The following CGNL1 variants were observed in gnomAD, a reference collection of about 807,000 sequenced individuals.
The protein encoded by CGNL1 is cingulin like 1.
A neutral mutation model predicts 141.2 loss-of-function variants in CGNL1; 132 were observed. The ratio of observed to expected loss-of-function variants is 0.93; its 90% confidence interval spans 0.81 to 1.08. The LOEUF is 1.08. Among genes scored for constraint, CGNL1 ranks in the 50% least tolerant of loss-of-function variants. CGNL1 has a pLI of 0.00. For synonymous variants in CGNL1, 690 were observed against 622.1 expected (o/e 1.11, Z -1.63); for missense variants, 1,870 against 1,588.6 (o/e 1.18, Z -3.01).
chr15:57,389,110 C>T (rs1480481979), intron 1 of CGNL1, among the ~76,000 whole-genome samples: 1 of 151,786 alleles, frequency 6.6e-6, no homozygotes, highest in Non-Finnish European at 1.5e-5. Context: ...AGTGGCTGCA[C>T]CTGGGCAGCT....
chr15:57,404,160 T>C (rs1243798638), intron 1 of CGNL1, among the ~76,000 whole-genome samples: 4 of 152,208 alleles, frequency 2.6e-5, no homozygotes, highest in Non-Finnish European at 5.9e-5. Flanking sequence ...AAGCCAGGGA[T>C]CTGGAAGCCT....
intron 16 of CGNL1, 63 bp downstream of exon 16, chr15:57,544,660 T>A (rs2032759360): frequency 6.5e-7 from 1 of 1,538,534 alleles, no homozygotes; most frequent in Admixed American, 2.0e-5. Context: ...CCCATCGCAA[T>A]GTGTTGTCAC....
Position 57,547,751 on chromosome 15 carries a change from G to A in CGNL1, c.*261G>A, listed in dbSNP as rs1419345861. 3 of 432,356 alleles carry A rather than the reference G, an allele frequency of 6.9e-6. No homozygotes were observed. The highest frequency in any genetic ancestry group is 8.2e-6 in the Non-Finnish European group (2 of 242,738). 26.8% of individuals were successfully genotyped at this position (432,356 alleles called of 1,614,324 possible). A position where few individuals can be genotyped will look rare whatever the true frequency, so the allele number is the denominator to read the frequency against. On this transcript the variant is annotated 3_prime_UTR_variant, in exon 19 of 19. Transcript: ENST00000281282. The stretch of plus-strand genomic sequence containing the variant: ...GGGGTGTTGTGAGAGATACACTTTG[G>A]TAGGCTGAGGCCCCTGTTCCACAGC...
chr15:57,524,319 T>C (rs1050147116), intron 11 of CGNL1, among the ~76,000 whole-genome samples: 1 of 152,166 alleles, frequency 6.6e-6, no homozygotes, highest in Admixed American at 6.5e-5. Flanking sequence ...CGTGCCCCAG[T>C]CATGTACTGG....
intron 8 of CGNL1, among the ~76,000 whole-genome samples, chr15:57,466,790 A>G (rs772872706): frequency 3.9e-5 from 6 of 152,168 alleles, no homozygotes; most frequent in Non-Finnish European, 8.8e-5. Context: ...AAATGAACAA[A>G]TCTTGTTTGT....
chr15:57,436,694 G>C (rs2063109879), intron 1 of CGNL1, among the ~76,000 whole-genome samples: 1 of 151,928 alleles, frequency 6.6e-6, no homozygotes, highest in Non-Finnish European at 1.5e-5. Context: ...AAAGTGGAAG[G>C]AAATAATAAA....
Position 57,436,240 on chromosome 15 carries a change from C to T in CGNL1, c.-15-1745C>T, listed in dbSNP as rs1055436414. Among the ~76,000 whole-genome samples, 4 of 152,156 alleles carry T rather than the reference C, an allele frequency of 2.6e-5. No homozygotes were observed. The South Asian group carries it at 8.3e-4, about 32-fold the overall frequency. On this transcript the variant is annotated intron_variant, in intron 1 of 18. Transcript: ENST00000281282. ...ATGACCAGCTTAAGTACCCTATTTT[C>T]CAGTCTCCCTTGCGGCTGGGGGTGG...
intron 8 of CGNL1, among the ~76,000 whole-genome samples, chr15:57,489,901 T>C (rs2063834932): frequency 6.6e-6 from 1 of 152,152 alleles, no homozygotes; most frequent in Admixed American, 6.5e-5. Context: ...TGAGAGAAAT[T>C]AGAGAGATTG....
At chr15:57,545,760 G>A (rs777954852) in intron 17 of CGNL1, 60 bp downstream of exon 17, 5 of 1,359,150 alleles carry the variant, frequency 3.7e-6, no homozygotes, top group Non-Finnish European at 5.1e-6. Flanking sequence ...GGCTGAGGGA[G>A]CAAGGGAGGC....
At chr15:57,504,120 T>C (rs10851615) in intron 8 of CGNL1, among the ~76,000 whole-genome samples, 20,259 of 152,120 alleles carry the variant, frequency 0.13, 2,056 homozygotes, top group East Asian at 0.47. Flanking sequence ...AGCAGGGTGA[T>C]GATGATGATA....
chr15:57,507,177 G>A lies in CGNL1; in HGVS notation c.2404-9603G>A, dbSNP rs192669345. On this transcript the variant is annotated intron_variant, in intron 8 of 18. Transcript: ENST00000281282. ...TTGTATAAACAGAATCATACCATAT[G>A]TCAAGACCTGAACTATGGAGCATGT... is the stretch of plus-strand genomic sequence containing the variant. Among the ~76,000 whole-genome samples the A allele has an allele frequency of 9.2e-5, 14 of 152,310 alleles. No individual in the cohort carries two copies. The East Asian group carries it at 2.1e-3, about 23-fold the overall frequency.
intron 8 of CGNL1, among the ~76,000 whole-genome samples, chr15:57,493,426 A>T (rs2063894367): frequency 6.6e-6 from 1 of 152,176 alleles, no homozygotes; most frequent in South Asian, 2.1e-4. Flanking sequence ...AAAGACACAG[A>T]AAGCATGCTT....
chr15:57,471,395 A>T (rs2063579477), intron 8 of CGNL1, among the ~76,000 whole-genome samples: 1 of 152,112 alleles, frequency 6.6e-6, no homozygotes. Flanking sequence ...ATTTTTAATG[A>T]CCCTACCTTG....
intron 8 of CGNL1, among the ~76,000 whole-genome samples, chr15:57,511,647 C>G (rs1348148198): frequency 6.6e-6 from 1 of 152,182 alleles, no homozygotes; most frequent in African/African-American, 2.4e-5. Flanking sequence ...TTTGATGTGG[C>G]TGCCTCATAG....
chr15:57,403,029 T>C (rs1030777395), intron 1 of CGNL1, among the ~76,000 whole-genome samples: 1 of 152,216 alleles, frequency 6.6e-6, no homozygotes, highest in African/African-American at 2.4e-5. Context: ...AGGTGGTGGT[T>C]CAAATGATGT....
At chr15:57,476,493 T>C (rs2063658936) in intron 8 of CGNL1, among the ~76,000 whole-genome samples, 1 of 152,216 alleles carries the variant, frequency 6.6e-6, no homozygotes, top group South Asian at 2.1e-4. Flanking sequence ...GCTTATTTAC[T>C]TGAGGTACTG....
chr15:57,394,099 C>CTTTTT (rs1555429893), intron 1 of CGNL1: 1 of 34,160 alleles, frequency 2.9e-5, no homozygotes. Flanking sequence ...AGGGTAATTT[C>CTTTTT]TGTTTGTTTT....
At chr15:57,480,222 G>A (rs536860334) in intron 8 of CGNL1, among the ~76,000 whole-genome samples, 10 of 132,632 alleles carry the variant, frequency 7.5e-5, no homozygotes, top group African/African-American at 3.0e-4. Context: ...ATTGAGCATG[G>A]GTATGAAAAT....
chr15:57,380,853 C>A (rs534873678), intron 1 of CGNL1, among the ~76,000 whole-genome samples: 1 of 152,166 alleles, frequency 6.6e-6, no homozygotes, highest in African/African-American at 2.4e-5. Context: ...CGGCTACCTC[C>A]GCAACAGAGC....
Sources: allele counts gnomAD v4.1 joint callset (sites outside exome capture counted in the v4.1 genomes callset), GRCh38; gene constraint gnomAD v4.1.1; transcripts MANE v1.5; gene names NCBI Gene and HGNC (gene_info 2026-07-23, HGNC 2026-07-21).